KATNIP: variants seen among roughly 807,000 people sequenced by gnomAD.
The protein encoded by KATNIP is katanin interacting protein.
A neutral mutation model predicts 174.0 loss-of-function variants in KATNIP; 126 were observed. The ratio of observed to expected loss-of-function variants is 0.72; its 90% CI spans 0.63 to 0.84. The LOEUF (loss-of-function observed/expected upper bound fraction) is 0.84. Among genes scored for constraint, KATNIP ranks in the 40% least tolerant of loss-of-function variants. The pLI, the probability that KATNIP is intolerant of heterozygous loss-of-function variation, is 0.00. For missense variants in KATNIP, 1,958 were observed against 2,109.7 expected (o/e 0.93, Z 1.41); for synonymous variants, 810 against 835.7 (o/e 0.97, Z 0.53).
intron 18 of KATNIP, among the ~76,000 whole-genome samples, chr16:27,757,985 A>G (rs555944452): frequency 3.7e-4 from 56 of 152,370 alleles, no homozygotes; most frequent in Non-Finnish European, 6.3e-4. Flanking sequence ...GAGAAATAAC[A>G]AAATTAATTT....
At chr16:27,631,279 A>T (rs1303275129) in intron 5 of KATNIP, 117 bp downstream of exon 5, 1 of 743,874 alleles carries the variant, frequency 1.3e-6, no homozygotes, top group Non-Finnish European at 2.2e-6. Context: ...TGGCTCCTTT[A>T]TGCAATCCCA....
intron 5 of KATNIP, among the ~76,000 whole-genome samples, chr16:27,646,965 C>T (rs921827566): frequency 6.6e-6 from 1 of 152,214 alleles, no homozygotes; most frequent in Non-Finnish European, 1.5e-5. Context: ...GAAGCTGGCC[C>T]CTGCCCTTTG....
At chr16:27,733,040 C>G (rs989078293) in intron 14 of KATNIP, among the ~76,000 whole-genome samples, 1 of 152,238 alleles carries the variant, frequency 6.6e-6, no homozygotes, top group Non-Finnish European at 1.5e-5. Flanking sequence ...ACGGACCCAC[C>G]TTGGCATGTG....
intron 8 of KATNIP, among the ~76,000 whole-genome samples, chr16:27,690,700 G>A (rs1195185381): frequency 6.6e-6 from 1 of 152,158 alleles, no homozygotes; most frequent in Non-Finnish European, 1.5e-5. Context: ...ACAAAACAAG[G>A]CTATGTCTAC....
chr16:27,748,535 G>A (rs961599920), intron 15 of KATNIP, among the ~76,000 whole-genome samples: 2 of 152,200 alleles, frequency 1.3e-5, no homozygotes, highest in Admixed American at 6.5e-5. Context: ...AGGCCATGGT[G>A]AGCCATGATC....
intron 21 of KATNIP, 69 bp downstream of exon 21, chr16:27,770,087 C>G: frequency 6.5e-7 from 1 of 1,527,750 alleles, no homozygotes. Flanking sequence ...GCAAGTTGCT[C>G]TGATGTACAT....
chr16:27,671,706 C>A (rs74665179), intron 6 of KATNIP, among the ~76,000 whole-genome samples: 2 of 152,210 alleles, frequency 1.3e-5, no homozygotes, highest in Non-Finnish European at 2.9e-5. Flanking sequence ...CTGTTTCCAT[C>A]CTTGTCCCAC....
At chr16:27,738,107 G>C (rs564887479) in intron 14 of KATNIP, among the ~76,000 whole-genome samples, 1 of 152,302 alleles carries the variant, frequency 6.6e-6, no homozygotes, top group Non-Finnish European at 1.5e-5. Flanking sequence ...GAAAGGAAAG[G>C]AACTATCAGT....
chr16:27,668,638 C>T (rs1453516609), intron 6 of KATNIP, among the ~76,000 whole-genome samples: 2 of 152,194 alleles, frequency 1.3e-5, no homozygotes, highest in Non-Finnish European at 1.5e-5. Flanking sequence ...GCCATGTGAC[C>T]TTGAACTTGT....
chr16:27,733,966 T>C (rs1008078226), intron 14 of KATNIP, among the ~76,000 whole-genome samples: 2 of 151,930 alleles, frequency 1.3e-5, no homozygotes, highest in Non-Finnish European at 2.9e-5. Flanking sequence ...TGTAGAAAAA[T>C]GTCTTGAAGA....
At chr16:27,676,193 T>A (rs927024586) in intron 6 of KATNIP, among the ~76,000 whole-genome samples, 1 of 152,200 alleles carries the variant, frequency 6.6e-6, no homozygotes, top group Non-Finnish European at 1.5e-5. Context: ...GCACTTTGCT[T>A]GGAAATCTCC....
chr16:27,619,253 G>C (rs1281700998), intron 3 of KATNIP, among the ~76,000 whole-genome samples: 1 of 152,200 alleles, frequency 6.6e-6, no homozygotes, highest in East Asian at 1.9e-4. Flanking sequence ...CAGGCCAGCT[G>C]TCTGTGAGAC....
At chr16:27,749,534 C>G (rs980822106) in intron 15 of KATNIP, 50 bp from the exon 16 acceptor site, 2 of 1,510,786 alleles carry the variant, frequency 1.3e-6, no homozygotes, top group East Asian at 4.6e-5. Context: ...GTCCCCACTT[C>G]CACACATGCC....
At chr16:27,705,652 A>G (rs1251659668) in intron 12 of KATNIP, among the ~76,000 whole-genome samples, 4 of 151,792 alleles carry the variant, frequency 2.6e-5, no homozygotes. Context: ...TGCATGGAAT[A>G]GTTTCTTTAT....
intron 2 of KATNIP, among the ~76,000 whole-genome samples, chr16:27,607,275 T>A (rs945431140): frequency 6.6e-6 from 1 of 152,108 alleles, no homozygotes; most frequent in Non-Finnish European, 1.5e-5. Context: ...ATAAACAAGG[T>A]TGTCTGCTAT....
intron 2 of KATNIP, among the ~76,000 whole-genome samples, chr16:27,576,298 TGTA>T: frequency 6.6e-6 from 1 of 152,254 alleles, no homozygotes; most frequent in Middle Eastern, 3.4e-3. Context: ...GGGAAGTGCT[TGTA>T]GTGAGAAACA....
At chr16:27,557,003 T>C (rs573746820) in intron 1 of KATNIP, among the ~76,000 whole-genome samples, 8 of 152,314 alleles carry the variant, frequency 5.3e-5, no homozygotes, top group Admixed American at 1.3e-4. Flanking sequence ...TTTTTCCTTA[T>C]GAGATTCATT....
intron 3 of KATNIP, among the ~76,000 whole-genome samples, chr16:27,622,266 T>C (rs2076217999): frequency 6.6e-6 from 1 of 151,996 alleles, no homozygotes; most frequent in Non-Finnish European, 1.5e-5. Context: ...CCTATAACTA[T>C]GACAAAAGAA....
At chr16:27,601,297 A>G (rs1379636481) in intron 2 of KATNIP, among the ~76,000 whole-genome samples, 1 of 152,154 alleles carries the variant, frequency 6.6e-6, no homozygotes, top group East Asian at 1.9e-4. Context: ...GTAAATGAAC[A>G]GAGATACTTT....
Sources: gnomAD v4.1 joint callset for allele counts (sites outside exome capture counted in the v4.1 genomes callset) on GRCh38, gnomAD v4.1.1 for gene constraint, MANE v1.5 for transcripts, NCBI Gene and HGNC (gene_info 2026-07-23, HGNC 2026-07-21) for gene names.